Variants in ECE1 observed in about 807,000 individuals in gnomAD.
The protein encoded by ECE1 is endothelin-converting enzyme 1.
ECE1 carries 35 observed loss-of-function variants against 98.6 expected under a neutral mutation model. The ratio of observed to expected loss-of-function variants is 0.35; its 90% confidence interval spans 0.27 to 0.47. The LOEUF (loss-of-function observed/expected upper bound fraction) is 0.47, where lower values mean the gene tolerates loss of function less well. ECE1 is among the 20% of genes least tolerant of loss of function. The pLI, the probability that ECE1 is intolerant of heterozygous loss-of-function variation, is 1.00. For synonymous variants in ECE1, 394 were observed against 407.1 expected, an observed-to-expected ratio of 0.97 and a Z score of 0.39; for missense variants, 814 against 1,025.3, an observed-to-expected ratio of 0.79 and a Z score of 2.81.
rs1346249522 is a variant in ECE1, at chr1:21,255,997, G to A, written c.970C>T (p.Arg324Cys). Residue 324 changes from arginine (R) to cysteine (C), a missense_variant, in exon 8 of 19, where the codon CGC becomes TGC. By Grantham distance (180) the Arg-to-Cys change is radical. Around this residue, in one of 3 missense-constraint regions of ECE1, gnomAD observed 105 missense variants for 179.1 expected, o/e 0.59. Coordinates refer to ENST00000374893, the MANE Select transcript of ECE1 (RefSeq NM_001397.3). ...LANITIPQEK[R>C]RDEELIYHKV... ...TGGTAGATGAGCTCCTCATCACGGC[G>A]CTTCTCCTGTGGGATGGTGATGTTG... 1.9e-6 allele frequency: 3 copies of A among 1,613,950 alleles called. No homozygotes were observed. Among genetic ancestry groups the A allele is most frequent in the Admixed American group, 1.7e-5 (1 of 60,008 alleles).
rs761213991 is a variant in ECE1 at position 21,290,430 on chromosome 1, C to T, written c.-16G>A. The T allele has an allele frequency of 3.2e-6, 4 of 1,230,932 alleles. No individual in the cohort carries two copies. In the African/African-American group the frequency reaches 4.7e-5, roughly 14 times the overall value. 76.3% of individuals were successfully genotyped at this position (1,230,932 alleles called of 1,614,324 possible). ...CGCCCCGCATGCTGTGCCCCAGACG[C>T]CTGGTCCCGCTGCCCGGGTGGCCGG... On this transcript the variant is annotated 5_prime_UTR_variant, in exon 1 of 19. Transcript: ENST00000374893. The surrounding 1 kb of genome is among the most constrained non-coding windows in gnomAD (Gnocchi z 7.3).
At position 21,257,534 on chromosome 1, in the gene ECE1, T is replaced by A. The variant is rs2098221406; in HGVS notation, c.819A>T (p.Glu273Asp). ...PSRDYYLNKT[E>D]NEKVLTGYLN... Reference sequence around the variant, plus strand: ...GGAGAGGCACGCTTACCTTCTCGTTTTCAGTTTTGTTCAGGTAATAGTCTC... The same window carrying A: ...GGAGAGGCACGCTTACCTTCTCGTTATCAGTTTTGTTCAGGTAATAGTCTC... Residue 273 changes from glutamate (E) to aspartate (D), a missense_variant, in exon 7 of 19, where the codon GAA becomes GAT. Physicochemically the swap from Glu to Asp is conservative, Grantham distance 45. This residue lies in a region of ECE1 where 105 missense variants were observed against 179.1 expected (regional missense o/e 0.59). Transcript: ENST00000374893. The A allele has an allele frequency of 6.2e-7, 1 of 1,614,078 alleles. No individual in the cohort carries two copies. Among genetic ancestry groups the A allele is most frequent in the African/African-American group, 1.3e-5 (1 of 74,932 alleles).
intron 15 of ECE1, among the ~76,000 whole-genome samples, chr1:21,227,487 C>T (rs2098175841): frequency 6.6e-6 from 1 of 152,206 alleles, no homozygotes; most frequent in Non-Finnish European, 1.5e-5. Flanking sequence ...TAACTGTCCT[C>T]TTCAGTCATT....
At position 21,288,676 on chromosome 1, in the gene ECE1, A is replaced by T. The variant is rs551217163; in HGVS notation, c.138+1394T>A. ...GAGACTGAAAAACATTGCTGATTAG[A>T]TTCTGTTTTGATTTGAGAAGGGAAA... On this transcript the variant is annotated intron_variant, in intron 2 of 18. Transcript: ENST00000374893. 2.6e-5 allele frequency among the ~76,000 whole-genome samples: 4 copies of T among 152,308 alleles called. No individual in the cohort carries two copies. The South Asian group carries it at 8.3e-4, about 32-fold the overall frequency.
At chr1:21,279,517 C>A (rs922202358) in intron 2 of ECE1, 185 bp from the exon 3 acceptor site, 13 of 1,460,390 alleles carry the variant, frequency 8.9e-6, no homozygotes, top group Non-Finnish European at 1.1e-5. Flanking sequence ...CCCTGCTCAG[C>A]TGCTCGGATC....
At chr1:21,244,591 C>A (rs1398037435) in intron 10 of ECE1, among the ~76,000 whole-genome samples, 1 of 152,140 alleles carries the variant, frequency 6.6e-6, no homozygotes, top group Non-Finnish European at 1.5e-5. Context: ...CTGGGGTTTC[C>A]CAGAATACAA....
intron 3 of ECE1, 82 bp downstream of exon 3, chr1:21,279,109 G>T (rs1432281602): frequency 7.5e-6 from 12 of 1,610,686 alleles, no homozygotes; most frequent in Non-Finnish European, 1.0e-5. Context: ...CCCGGCTTAA[G>T]CAGGGAAGCC....
intron 17 of ECE1, among the ~76,000 whole-genome samples, chr1:21,224,762 T>C (rs2098171671): frequency 6.6e-6 from 1 of 152,210 alleles, no homozygotes; most frequent in South Asian, 2.1e-4. Flanking sequence ...TTGTTTTATC[T>C]TCCCAACAAC....
rs1159520043 is a variant in ECE1, at chr1:21,217,819, C to G, written c.*2136G>C. 1 of 152,406 alleles carries G rather than the reference C, an allele frequency of 6.6e-6. No homozygotes were observed. Among genetic ancestry groups the G allele is most frequent in the Non-Finnish European group, 1.5e-5 (1 of 68,152 alleles). The allele number at this position is 152,406 out of a possible 1,614,324, so 9.4% of individuals were successfully genotyped here. A position where few individuals can be genotyped will look rare whatever the true frequency, so the allele number is the denominator to read the frequency against. On this transcript the variant is annotated 3_prime_UTR_variant, in exon 19 of 19. Coordinates refer to ENST00000374893, the MANE Select transcript of ECE1 (RefSeq NM_001397.3). The stretch of plus-strand genomic sequence containing the variant: ...TGCGTGCTGGGACCAGGACCTCCAT[C>G]TGGAATCCACTCTCGATACCCTGCA...
At chr1:21,236,645 G>A in intron 12 of ECE1, 101 bp downstream of exon 12, 1 of 1,173,456 alleles carries the variant, frequency 8.5e-7, no homozygotes, top group Non-Finnish European at 1.3e-6. Flanking sequence ...ACGAAACTCT[G>A]CCTCAAAAAA....
intron 2 of ECE1, among the ~76,000 whole-genome samples, chr1:21,282,984 C>T (rs1424214875): frequency 7.0e-6 from 1 of 143,342 alleles, no homozygotes; most frequent in Non-Finnish European, 1.5e-5. Context: ...CTTTCTCACC[C>T]AGGCTGGAGT....
rs1010359373 is a variant in ECE1 at position 21,220,878 on chromosome 1, C to A, written c.2137-747G>T. ...TGAGATCCCGGGGAGTCAGGAGGGT[C>A]CCCTGAGCGGGTCAGGAAGAGACAG... is the stretch of plus-strand genomic sequence containing the variant. On this transcript the variant is annotated intron_variant, in intron 18 of 18. Transcript: ENST00000374893. The surrounding 1 kb of genome is among the most constrained non-coding windows in gnomAD (Gnocchi z 5.0). 6.6e-6 allele frequency among the ~76,000 whole-genome samples: 1 copy of A among 152,138 alleles called. No homozygotes were observed. Among genetic ancestry groups the A allele is most frequent in the Non-Finnish European group, 1.5e-5 (1 of 68,028 alleles).
rs530931712 is a variant in ECE1 at position 21,235,256 on chromosome 1, G to A, written c.1566+594C>T. On this transcript the variant is annotated intron_variant, in intron 13 of 18. Coordinates refer to ENST00000374893, the MANE Select transcript of ECE1 (RefSeq NM_001397.3). The surrounding 1 kb of genome is among the most constrained non-coding windows in gnomAD (Gnocchi z 4.2). Reference sequence around the variant, plus strand: ...CACAATCCACCTAACTGAGTGATTTGCCAAAAGTTCTAATAAGCAGGGATG... The same window carrying A: ...CACAATCCACCTAACTGAGTGATTTACCAAAAGTTCTAATAAGCAGGGATG... Among the ~76,000 whole-genome samples the A allele has an allele frequency of 1.3e-5, 2 of 152,290 alleles. No homozygotes were observed. Among genetic ancestry groups the A allele is most frequent in the Non-Finnish European group, 2.9e-5 (2 of 68,010 alleles).
At chr1:21,284,548 A>G (rs1016458342) in intron 2 of ECE1, among the ~76,000 whole-genome samples, 36 of 152,230 alleles carry the variant, frequency 2.4e-4, no homozygotes, top group African/African-American at 8.2e-4. Flanking sequence ...AGCTAGAGTA[A>G]GGGAAAAAGA....
chr1:21,279,714 CCCA>C, intron 2 of ECE1: 1 of 1,332,556 alleles, frequency 7.5e-7, no homozygotes, highest in South Asian at 2.0e-5. Context: ...CTGCAGAGCC[CCCA>C]CATCAGCGGG....
chr1:21,319,156 G>A lies in ECE1; in HGVS notation c.3+26220C>T, dbSNP rs1638905961. 1.3e-5 allele frequency among the ~76,000 whole-genome samples: 2 copies of A among 152,086 alleles called. No individual in the cohort carries two copies. The highest frequency in any genetic ancestry group is 4.8e-5 in the African/African-American group (2 of 41,406). Reference sequence around the variant, plus strand: ...GCTTAGGAGTTCGAGACCAGCTTGGGCAACATGGTGAAACCCCGTCTCCAC... The same window carrying A: ...GCTTAGGAGTTCGAGACCAGCTTGGACAACATGGTGAAACCCCGTCTCCAC... On this transcript the variant is annotated intron_variant, in intron 1 of 18. Transcript: ENST00000415912. This position sits in a 1 kb window ranked among gnomAD's most constrained non-coding sequence, Gnocchi z 4.4.
chr1:21,311,820 A>T (rs12140917), intron 1 of ECE1, among the ~76,000 whole-genome samples: 40,563 of 151,190 alleles, frequency 0.27, 6,041 homozygotes, highest in Non-Finnish European at 0.34. Context: ...TCAAAAAAAA[A>T]TTTTTTTAAA....
At position 21,301,451 on chromosome 1, in the gene ECE1, C is replaced by T. The variant is rs1309591585; in HGVS notation, c.4-11295G>A. 2.6e-5 allele frequency among the ~76,000 whole-genome samples: 4 copies of T among 151,916 alleles called. No individual in the cohort carries two copies. In the South Asian group the frequency reaches 6.2e-4, roughly 24 times the overall value. On this transcript the variant is annotated intron_variant, in intron 1 of 18. Transcript: ENST00000415912. ...CGGAGCCTGCAGTGAGCCGAGATCA[C>T]GCCACTGCACTCCAGCCTGGGCGAC...
At chr1:21,330,836 C>T (rs962692743) in intron 1 of ECE1, among the ~76,000 whole-genome samples, 1 of 152,192 alleles carries the variant, frequency 6.6e-6, no homozygotes, top group Non-Finnish European at 1.5e-5. Context: ...ATGCTGAACA[C>T]AGGCTGTACA....
Sources: allele counts gnomAD v4.1 joint callset (sites outside exome capture counted in the v4.1 genomes callset), GRCh38; gene constraint gnomAD v4.1.1; regional missense constraint gnomAD v4.1.1; non-coding constraint Gnocchi (gnomAD v3.1); transcripts MANE v1.5; gene names NCBI Gene and HGNC (gene_info 2026-07-23, HGNC 2026-07-21).